Variants in XYLT1 observed in about 807,000 individuals in gnomAD.
XYLT1 encodes beta-D-xylosyltransferase 1.
A neutral mutation model predicts 91.3 loss-of-function variants in XYLT1; 36 were observed. The ratio of observed to expected loss-of-function variants is 0.39; its 90% CI spans 0.30 to 0.52. The LOEUF (loss-of-function observed/expected upper bound fraction) is 0.52, where lower values mean the gene tolerates loss of function less well. Ranked by LOEUF, XYLT1 falls within the 20% of genes least tolerant of loss-of-function variation. The probability of loss-of-function intolerance (pLI) is 0.68; values close to 1 mark genes in which losing one functional copy is unlikely to be tolerated. For missense variants in XYLT1, 1,242 were observed against 1,284.5 expected, an observed-to-expected ratio of 0.97 and a Z score of 0.51; for synonymous variants, 588 against 532.0, an observed-to-expected ratio of 1.11 and a Z score of -1.45.
At chr16:17,258,952 G>A in intron 3 of XYLT1, 36 bp downstream of exon 3, 6 of 1,481,516 alleles carry the variant, frequency 4.0e-6, no homozygotes, top group Non-Finnish European at 5.4e-6. Flanking sequence ...AAGTGGCCAG[G>A]AGATCCCTCT....
At chr16:17,338,448 A>G in intron 2 of XYLT1, 1 of 456,540 alleles carries the variant, frequency 2.2e-6, no homozygotes, top group South Asian at 1.5e-5. Flanking sequence ...GAGAAGTTGA[A>G]ACCTACGCTT....
At chr16:17,448,164 T>G (rs777424539) in intron 1 of XYLT1, among the ~76,000 whole-genome samples, 1 of 152,170 alleles carries the variant, frequency 6.6e-6, no homozygotes, top group Non-Finnish European at 1.5e-5. Context: ...GGTCAGGAGT[T>G]CAAGACCAGC....
chr16:17,269,568 G>C (rs776911261), intron 2 of XYLT1, among the ~76,000 whole-genome samples: 59 of 152,128 alleles, frequency 3.9e-4, no homozygotes, highest in Non-Finnish European at 7.2e-4. Flanking sequence ...AAAACTCAAG[G>C]CTGCCAAAAT....
chr16:17,442,125 G>A (rs567485585), intron 1 of XYLT1, among the ~76,000 whole-genome samples: 1 of 152,174 alleles, frequency 6.6e-6, no homozygotes, highest in Non-Finnish European at 1.5e-5. Flanking sequence ...GCCCTTCCCA[G>A]ATCTTGAGAC....
intron 1 of XYLT1, among the ~76,000 whole-genome samples, chr16:17,408,279 G>A (rs952533947): frequency 6.6e-5 from 10 of 152,156 alleles, no homozygotes; most frequent in Admixed American, 1.3e-4. Context: ...AGTGACATAC[G>A]CTTGGTAAGC....
chr16:17,153,242 T>C (rs2031325430), intron 6 of XYLT1, among the ~76,000 whole-genome samples: 5 of 152,208 alleles, frequency 3.3e-5, no homozygotes, highest in Admixed American at 3.3e-4. Context: ...CTCATTCCCA[T>C]CTTACAGATG....
chr16:17,123,053 A>C (rs7498781), intron 10 of XYLT1, among the ~76,000 whole-genome samples: 135,142 of 152,084 alleles, frequency 0.89, 60,909 homozygotes, highest in Non-Finnish European at 0.96. Flanking sequence ...TGTTTTGGCT[A>C]TGCAGGCTCT....
chr16:17,146,897 G>T (rs915548355), intron 6 of XYLT1, among the ~76,000 whole-genome samples: 1 of 152,162 alleles, frequency 6.6e-6, no homozygotes, highest in Non-Finnish European at 1.5e-5. Flanking sequence ...TATGTCACGG[G>T]TCTTGCTCTT....
chr16:17,178,714 G>A lies in XYLT1; in HGVS notation c.1289+19498C>T, dbSNP rs140268419. On this transcript the variant is annotated intron_variant, in intron 5 of 11. Coordinates refer to ENST00000261381, the MANE Select transcript of XYLT1 (RefSeq NM_022166.4). ...CTTAGTATTACAACAGCAGAGTTTC[G>A]TCATCCTGAGAGACATATATGTACC... Among the ~76,000 whole-genome samples, 424 of 152,228 alleles carry A rather than the reference G, an allele frequency of 2.8e-3. 1 individual carries two copies. The highest frequency in any genetic ancestry group is 9.4e-3 in the African/African-American group (389 of 41,520).
intron 1 of XYLT1, among the ~76,000 whole-genome samples, chr16:17,439,886 G>C (rs1016938176): frequency 1.4e-4 from 22 of 152,178 alleles, no homozygotes; most frequent in African/African-American, 5.3e-4. Flanking sequence ...AATCCATCCG[G>C]AATGTGAGCC....
intron 2 of XYLT1, among the ~76,000 whole-genome samples, chr16:17,266,663 G>A (rs1292673198): frequency 6.6e-6 from 1 of 152,168 alleles, no homozygotes; most frequent in Non-Finnish European, 1.5e-5. Flanking sequence ...ACATGAGGGC[G>A]CCTGGCCCAC....
intron 2 of XYLT1, among the ~76,000 whole-genome samples, chr16:17,311,235 C>T (rs2034542971): frequency 6.6e-6 from 1 of 152,216 alleles, no homozygotes; most frequent in African/African-American, 2.4e-5. Context: ...AGTATCAGCA[C>T]TCAGGAGCTG....
intron 3 of XYLT1, among the ~76,000 whole-genome samples, chr16:17,247,373 C>T (rs567456092): frequency 2.0e-5 from 3 of 152,254 alleles, no homozygotes; most frequent in East Asian, 3.9e-4. Flanking sequence ...ACTCATGGAA[C>T]GCCAAGAAAA....
At chr16:17,282,340 TGCTGACA>T (rs2034070606) in intron 2 of XYLT1, among the ~76,000 whole-genome samples, 1 of 151,730 alleles carries the variant, frequency 6.6e-6, no homozygotes. Flanking sequence ...ATGGCGGGGG[TGCTGACA>T]GCTGTCTATT....
In XYLT1 at chr16:17,321,342, C is replaced by CTTTTTTTTTTTTT. The variant is rs10606202; in HGVS notation, c.402+36657_402+36669dup. On this transcript the variant is annotated intron_variant, in intron 2 of 11. Transcript: ENST00000261381. ...GACAGTTCCCAAAGTACTAACTAGC[C>CTTTTTTTTTTTTT]TTTTTTTTTTTTTTTTTTTTTTTTT... Among the ~76,000 whole-genome samples, 16 of 43,624 alleles carry CTTTTTTTTTTTTT rather than the reference C, an allele frequency of 3.7e-4. 2 individuals carry two copies. Among genetic ancestry groups the CTTTTTTTTTTTTT allele is most frequent in the Admixed American group, 7.9e-4 (2 of 2,540 alleles). 28.6% of individuals were successfully genotyped at this position (43,624 alleles called of 152,430 possible).
intron 1 of XYLT1, among the ~76,000 whole-genome samples, chr16:17,423,064 T>C (rs898012100): frequency 1.3e-5 from 2 of 152,156 alleles, no homozygotes; most frequent in African/African-American, 4.8e-5. Flanking sequence ...TCAATAACGA[T>C]GACTTAAGAA....
In XYLT1 at chr16:17,358,025, G is replaced by A. The variant is rs374229842; in HGVS notation, c.389C>T (p.Thr130Ile). Residue 130 changes from threonine to isoleucine, a missense_variant, in exon 2 of 12, where the codon ACC becomes ATC. By Grantham distance (89) the Thr-to-Ile change is moderately conservative. Transcript: ENST00000261381. ...AAAGATACTTACCTGAGTCTCCAGG[G>A]TGATGAGCGGACTTGGGTGTGGATC... is the stretch of plus-strand genomic sequence containing the variant. ...ALDPHPSPLITLETQDGYFSH... is the reference protein window; with the variant it reads ...ALDPHPSPLIILETQDGYFSH... The A allele has an allele frequency of 2.1e-5, 34 of 1,613,676 alleles. No individual in the cohort carries two copies. Among genetic ancestry groups the A allele is most frequent in the East Asian group, 1.8e-4 (8 of 44,870 alleles).
chr16:17,467,168 G>C (rs911017011), intron 1 of XYLT1, among the ~76,000 whole-genome samples: 44 of 152,286 alleles, frequency 2.9e-4, no homozygotes, highest in African/African-American at 8.7e-4. Context: ...CGGCAGGCGG[G>C]GGGTGGGAAG....
At chr16:17,466,373 G>A (rs1049217811) in intron 1 of XYLT1, among the ~76,000 whole-genome samples, 13 of 152,148 alleles carry the variant, frequency 8.5e-5, no homozygotes, top group Admixed American at 6.5e-4. Context: ...GCTCTGGAGC[G>A]GGGTGTGGGG....
Sources: gnomAD v4.1 joint callset for allele counts (sites outside exome capture counted in the v4.1 genomes callset) on GRCh38, gnomAD v4.1.1 for gene constraint, MANE v1.5 for transcripts, NCBI Gene and HGNC (gene_info 2026-07-23, HGNC 2026-07-21) for gene names.